Variants in OCA2 observed in about 807,000 individuals in gnomAD.
OCA2 encodes P protein.
Under a neutral mutation model 100.2 loss-of-function variants are expected in OCA2, and 77 were observed. The observed-to-expected ratio is 0.77, with a 90% CI of 0.64 to 0.93. The LOEUF (loss-of-function observed/expected upper bound fraction) is 0.93. Among genes scored for constraint, OCA2 ranks in the 40% least tolerant of loss-of-function variants. The pLI, the probability that OCA2 is intolerant of heterozygous loss-of-function variation, is 0.00. For missense variants in OCA2, 1,062 were observed against 1,089.1 expected (o/e 0.98, Z 0.35); for synonymous variants, 432 against 439.2 (o/e 0.98, Z 0.21).
intron 1 of OCA2, among the ~76,000 whole-genome samples, chr15:28,089,819 C>T (rs1207475962): frequency 6.6e-6 from 1 of 152,062 alleles, no homozygotes; most frequent in East Asian, 1.9e-4. Flanking sequence ...GAGGTCAAGG[C>T]TTGAAAAACT....
At chr15:28,018,659 C>T (rs1022968378) in intron 6 of OCA2, 102 bp from the exon 7 acceptor site, 6 of 1,159,760 alleles carry the variant, frequency 5.2e-6, no homozygotes, top group South Asian at 2.6e-5. Context: ...TGAAGAAATG[C>T]GTTTCCCCAG....
intron 19 of OCA2, among the ~76,000 whole-genome samples, chr15:27,897,752 G>A (rs1402105804): frequency 1.3e-5 from 2 of 152,160 alleles, no homozygotes; most frequent in Non-Finnish European, 2.9e-5. Context: ...ATCCCAGAAT[G>A]GTAGATCCAC....
intron 19 of OCA2, among the ~76,000 whole-genome samples, chr15:27,925,746 T>A (rs961876621): frequency 2.0e-5 from 3 of 152,216 alleles, no homozygotes; most frequent in Non-Finnish European, 2.9e-5. Context: ...TTTTCCGTGA[T>A]AACGGAAATG....
At chr15:27,935,001 C>G (rs932060140) in intron 18 of OCA2, among the ~76,000 whole-genome samples, 1 of 152,128 alleles carries the variant, frequency 6.6e-6, no homozygotes, top group Non-Finnish European at 1.5e-5. Context: ...CACTGCAGCC[C>G]CGGTCCCTGT....
intron 19 of OCA2, among the ~76,000 whole-genome samples, chr15:27,918,328 C>A (rs1049413011): frequency 3.9e-5 from 6 of 152,046 alleles, no homozygotes; most frequent in Admixed American, 3.9e-4. Flanking sequence ...CCTCGGCCTC[C>A]CAAAGTGCTG....
rs74007934 is a variant in OCA2, at chr15:28,078,091, A to G, written c.227+3557T>C. On this transcript the variant is annotated intron_variant, in intron 2 of 23. Coordinates refer to ENST00000354638, the MANE Select transcript of OCA2 (RefSeq NM_000275.3). ...TGAATTGAACTTACAAATAAATGCAAAACTGGACAATGCATTCCACGGACA... is the reference window on the plus strand; with the variant it reads ...TGAATTGAACTTACAAATAAATGCAGAACTGGACAATGCATTCCACGGACA... 5.0e-3 allele frequency among the ~76,000 whole-genome samples: 768 copies of G among 152,318 alleles called. 7 individuals are homozygous for G. Among genetic ancestry groups the G allele is most frequent in the African/African-American group, 0.017 (704 of 41,572 alleles).
the OCA2 span, among the ~76,000 whole-genome samples, chr15:27,726,274 G>T: frequency 6.6e-6 from 1 of 151,348 alleles, no homozygotes; most frequent in African/African-American, 2.4e-5. Flanking sequence ...CTCTAGCCTG[G>T]GCGACAGAGC....
At chr15:28,093,943 C>T (rs1033506278) in intron 1 of OCA2, among the ~76,000 whole-genome samples, 4 of 152,198 alleles carry the variant, frequency 2.6e-5, no homozygotes, top group African/African-American at 7.2e-5. Context: ...TAGGGGCTCT[C>T]GTTCCACCTC....
At chr15:27,994,916 G>C (rs1419733412) in intron 9 of OCA2, among the ~76,000 whole-genome samples, 1 of 151,960 alleles carries the variant, frequency 6.6e-6, no homozygotes, top group Non-Finnish European at 1.5e-5. Context: ...AACTTCTTTT[G>C]GTTACCATTT....
At chr15:28,027,153 C>T (rs2042774754) in intron 4 of OCA2, among the ~76,000 whole-genome samples, 1 of 152,224 alleles carries the variant, frequency 6.6e-6, no homozygotes, top group Non-Finnish European at 1.5e-5. Context: ...ATAAATAGGC[C>T]AGTAAGGTGA....
At chr15:28,004,690 T>C (rs1348744897) in intron 9 of OCA2, among the ~76,000 whole-genome samples, 2 of 151,642 alleles carry the variant, frequency 1.3e-5, no homozygotes, top group African/African-American at 4.9e-5. Flanking sequence ...TCTCACACGC[T>C]GACTCACACA....
At chr15:27,970,826 G>A (rs2040757037) in intron 14 of OCA2, among the ~76,000 whole-genome samples, 2 of 151,872 alleles carry the variant, frequency 1.3e-5, no homozygotes, top group Admixed American at 1.3e-4. Flanking sequence ...GTATGGCATG[G>A]TGGGAAAACG....
rs574602845 is a variant in OCA2, at chr15:27,985,067, A to G, written c.1361T>C (p.Ile454Thr). 6.2e-7 allele frequency: 1 copy of G among 1,613,828 alleles called. No individual in the cohort carries two copies. Among genetic ancestry groups the G allele is most frequent in the South Asian group, 1.1e-5 (1 of 91,082 alleles). ...ACGGCAGAGGTGCTTTGCGTACCTT[A>G]TGGTCACAGGCGTGAAGAGGAGCAT... is the stretch of plus-strand genomic sequence containing the variant. ...TTMLLFTPVT[I>T]RLCEVLNLDP... is the part of the protein sequence containing the mutation. Residue 454 changes from isoleucine (I) to threonine (T), a missense_variant, in exon 13 of 24, where the codon ATA becomes ACA. Physicochemically the swap from Ile to Thr is moderately conservative, Grantham distance 89. Coordinates refer to ENST00000354638, the MANE Select transcript of OCA2 (RefSeq NM_000275.3).
chr15:27,917,016 G>A (rs969280940), intron 19 of OCA2, among the ~76,000 whole-genome samples: 3 of 152,130 alleles, frequency 2.0e-5, no homozygotes, highest in Non-Finnish European at 2.9e-5. Context: ...TGAAGATGAA[G>A]GCAGGCCACT....
At chr15:28,022,774 T>C (rs2042634653) in intron 5 of OCA2, among the ~76,000 whole-genome samples, 1 of 152,210 alleles carries the variant, frequency 6.6e-6, no homozygotes. Flanking sequence ...TGGGCCCTGA[T>C]TATTGATACC....
Position 27,907,098 on chromosome 15 carries a change from G to A in OCA2, c.2079+19029C>T, listed in dbSNP as rs116274758. Among the ~76,000 whole-genome samples, 503 of 152,124 alleles carry A rather than the reference G, an allele frequency of 3.3e-3. 2 individuals are homozygous for A. Among genetic ancestry groups the A allele is most frequent in the African/African-American group, 0.011 (476 of 41,492 alleles). On this transcript the variant is annotated intron_variant, in intron 19 of 23. Transcript: ENST00000354638. ...CATCAGGCCCCACCTCCAACACTGC[G>A]ATCAAATTTCAACATAAGGTTTGAA...
intron 9 of OCA2, among the ~76,000 whole-genome samples, chr15:27,990,960 C>A (rs1177219299): frequency 6.6e-6 from 1 of 152,240 alleles, no homozygotes; most frequent in Admixed American, 6.5e-5. Flanking sequence ...TTGCCATATG[C>A]TCCCTTGGCA....
At chr15:27,996,995 A>G (rs1406204473) in intron 9 of OCA2, among the ~76,000 whole-genome samples, 2 of 148,206 alleles carry the variant, frequency 1.3e-5, no homozygotes, top group African/African-American at 4.9e-5. Flanking sequence ...CAACAAAAAA[A>G]AAGAAGAGAG....
chr15:28,006,478 C>T (rs1246230684), intron 9 of OCA2, among the ~76,000 whole-genome samples: 1 of 152,190 alleles, frequency 6.6e-6, no homozygotes, highest in Admixed American at 6.5e-5. Context: ...TGTGAGCTTG[C>T]CAGAAAAAAA....
Sources: allele counts gnomAD v4.1 joint callset (sites outside exome capture counted in the v4.1 genomes callset), GRCh38; gene constraint gnomAD v4.1.1; transcripts MANE v1.5; gene names NCBI Gene and HGNC (gene_info 2026-07-23, HGNC 2026-07-21).